The following TMEM132D variants were observed in gnomAD, a reference collection of about 807,000 sequenced individuals.
The protein encoded by TMEM132D is transmembrane protein 132D, also known as mature OL transmembrane protein.
TMEM132D carries 21 observed loss-of-function variants against 62.3 expected under a neutral mutation model. The observed-to-expected ratio is 0.34, with a 90% CI of 0.24 to 0.49. The LOEUF (loss-of-function observed/expected upper bound fraction) is 0.49. Ranked by LOEUF, TMEM132D falls within the 20% of genes least tolerant of loss-of-function variation. The pLI, the probability that TMEM132D is intolerant of heterozygous loss-of-function variation, is 0.99. For missense variants in TMEM132D, 1,346 were observed against 1,402.8 expected (o/e 0.96, Z 0.65); for synonymous variants, 621 against 575.6 (o/e 1.08, Z -1.13).
chr12:129,654,297 AGTGT>A (rs10607475), intron 2 of TMEM132D, among the ~76,000 whole-genome samples: 78 of 148,274 alleles, frequency 5.3e-4, no homozygotes, highest in African/African-American at 1.2e-3. Context: ...TGTGTGTGTG[AGTGT>A]GTGTGTGTGT....
At chr12:129,143,430 C>T (rs974094266) in intron 5 of TMEM132D, among the ~76,000 whole-genome samples, 15 of 152,168 alleles carry the variant, frequency 9.9e-5, no homozygotes, top group Admixed American at 7.2e-4. Flanking sequence ...TCCCTGAGCC[C>T]AGGCCTCAGA....
chr12:129,855,140 G>A (rs71466424), intron 1 of TMEM132D, among the ~76,000 whole-genome samples: 75 of 113,416 alleles, frequency 6.6e-4, no homozygotes, highest in East Asian at 1.7e-3. Flanking sequence ...AACAGAGTCC[G>A]GGGGAACGGG....
At chr12:129,099,267 G>A (rs1273951674) in intron 5 of TMEM132D, among the ~76,000 whole-genome samples, 1 of 152,080 alleles carries the variant, frequency 6.6e-6, no homozygotes, top group East Asian at 1.9e-4. Flanking sequence ...GTCAGGTTGG[G>A]GTAACAACTC....
intron 1 of TMEM132D, among the ~76,000 whole-genome samples, chr12:129,817,224 A>C (rs557752472): frequency 6.6e-6 from 1 of 152,296 alleles, no homozygotes; most frequent in South Asian, 2.1e-4. Context: ...CTTAGTGTGT[A>C]TTTGTTGAAG....
intron 1 of TMEM132D, among the ~76,000 whole-genome samples, chr12:129,862,416 T>C (rs1041357557): frequency 6.6e-6 from 1 of 152,222 alleles, no homozygotes; most frequent in African/African-American, 2.4e-5. Flanking sequence ...GGGGGCTGTG[T>C]GTTTGCTGAC....
intron 3 of TMEM132D, among the ~76,000 whole-genome samples, chr12:129,511,138 A>G (rs1875486058): frequency 1.3e-5 from 2 of 152,222 alleles, no homozygotes; most frequent in Non-Finnish European, 2.9e-5. Flanking sequence ...GTGATATAAA[A>G]TATACCCACC....
chr12:129,520,806 C>G (rs574788583), intron 3 of TMEM132D, among the ~76,000 whole-genome samples: 6 of 152,344 alleles, frequency 3.9e-5, no homozygotes, highest in African/African-American at 1.4e-4. Context: ...CTCACGTGGT[C>G]TCATTTCTTT....
chr12:129,798,362 T>G (rs1871628038), intron 1 of TMEM132D, among the ~76,000 whole-genome samples: 1 of 152,230 alleles, frequency 6.6e-6, no homozygotes, highest in African/African-American at 2.4e-5. Context: ...GTTAAATGGA[T>G]GTGTGTTTAT....
intron 5 of TMEM132D, among the ~76,000 whole-genome samples, chr12:129,155,946 T>A (rs926994157): frequency 6.6e-6 from 1 of 151,094 alleles, no homozygotes; most frequent in African/African-American, 2.4e-5. Context: ...ACTCCCAAGA[T>A]AATCAACCCA....
intron 1 of TMEM132D, among the ~76,000 whole-genome samples, chr12:129,794,362 A>G (rs1485495506): frequency 6.7e-6 from 1 of 148,716 alleles, no homozygotes; most frequent in African/African-American, 2.5e-5. Context: ...TCGGCCTCCC[A>G]GAATGCTGGA....
chr12:129,195,430 AT>A (rs1565994002), intron 5 of TMEM132D, among the ~76,000 whole-genome samples: 1 of 151,832 alleles, frequency 6.6e-6, no homozygotes, highest in Non-Finnish European at 1.5e-5. Flanking sequence ...CCATGGGAGG[AT>A]TTTGAGTGGA....
intron 2 of TMEM132D, among the ~76,000 whole-genome samples, chr12:129,657,165 G>A (rs1196945399): frequency 2.0e-5 from 3 of 152,186 alleles, no homozygotes; most frequent in Admixed American, 6.5e-5. Flanking sequence ...ATGACAAAGA[G>A]AATTCTCCTG....
At chr12:129,242,073 G>A (rs994058583) in intron 4 of TMEM132D, among the ~76,000 whole-genome samples, 13 of 152,342 alleles carry the variant, frequency 8.5e-5, no homozygotes, top group Non-Finnish European at 1.6e-4. Context: ...TTCATTCTAA[G>A]TATTCTCAAG....
In TMEM132D at chr12:129,818,137, CAT is replaced by C. The variant is rs200451008; in HGVS notation, c.79+85122_79+85123del. ...GTATCTGTATGTGGTTTGGGTTGTG[CAT>C]GTGTGTGTGTGGTATAAGGTGTATG... On this transcript the variant is annotated intron_variant, in intron 1 of 8. Coordinates refer to ENST00000422113, the MANE Select transcript of TMEM132D (RefSeq NM_133448.3). 7.9e-3 allele frequency among the ~76,000 whole-genome samples: 908 copies of C among 114,976 alleles called. 6 individuals carry two copies. The highest frequency in any genetic ancestry group is 0.029 in the African/African-American group (856 of 29,074). 75.4% of individuals were successfully genotyped at this position (114,976 alleles called of 152,430 possible). A position where few individuals can be genotyped will look rare whatever the true frequency, so the allele number is the denominator to read the frequency against.
At chr12:129,324,698 C>T (rs528067555) in intron 4 of TMEM132D, among the ~76,000 whole-genome samples, 33 of 152,052 alleles carry the variant, frequency 2.2e-4, no homozygotes, top group South Asian at 2.1e-3. Flanking sequence ...GACATAGTGG[C>T]GGGCACCTGT....
chr12:129,502,130 G>C (rs1875166236), intron 3 of TMEM132D, among the ~76,000 whole-genome samples: 1 of 152,060 alleles, frequency 6.6e-6, no homozygotes, highest in Non-Finnish European at 1.5e-5. Context: ...CTCCCGAGTA[G>C]CTGGGATTAC....
chr12:129,878,629 T>C (rs1167865973), intron 1 of TMEM132D, among the ~76,000 whole-genome samples: 1 of 150,724 alleles, frequency 6.6e-6, no homozygotes, highest in East Asian at 1.9e-4. Context: ...CAGGCTGGAG[T>C]GCAGTGGCAT....
chr12:129,525,084 CT>C (rs1231720719), intron 3 of TMEM132D, among the ~76,000 whole-genome samples: 1 of 149,956 alleles, frequency 6.7e-6, no homozygotes, highest in Non-Finnish European at 1.5e-5. Context: ...CGCCACCACA[CT>C]CAGCTAATTT....
intron 3 of TMEM132D, among the ~76,000 whole-genome samples, chr12:129,436,938 G>A (rs1872802702): frequency 6.6e-6 from 1 of 152,128 alleles, no homozygotes; most frequent in Admixed American, 6.5e-5. Context: ...AGTAAATAAT[G>A]TATTTACCAC....
Sources: gnomAD v4.1 joint callset for allele counts (sites outside exome capture counted in the v4.1 genomes callset) on GRCh38, gnomAD v4.1.1 for gene constraint, MANE v1.5 for transcripts, NCBI Gene and HGNC (gene_info 2026-07-23, HGNC 2026-07-21) for gene names.